PDZD2: variants seen among roughly 807,000 people sequenced by gnomAD.
The protein encoded by PDZD2 is PDZ domain containing 2.
In PDZD2, 90 loss-of-function variants were observed where a neutral mutation model predicts 220.7. The observed-to-expected ratio is 0.41, with a 90% CI of 0.34 to 0.49. The LOEUF (loss-of-function observed/expected upper bound fraction) is 0.49, where lower values mean the gene tolerates loss of function less well. Among genes scored for constraint, PDZD2 ranks in the 20% least tolerant of loss-of-function variants. The pLI, the probability that PDZD2 is intolerant of heterozygous loss-of-function variation, is 0.28. For synonymous variants in PDZD2, 1,375 were observed against 1,450.5 expected (o/e 0.95, Z 1.18); for missense variants, 3,174 against 3,608.5 (o/e 0.88, Z 3.08).
At chr5:31,751,181 C>T (rs926241148) in intron 1 of PDZD2, among the ~76,000 whole-genome samples, 8 of 149,548 alleles carry the variant, frequency 5.3e-5, no homozygotes, top group African/African-American at 1.5e-4. Context: ...GCGGAGATTG[C>T]AGTGAGCCAA....
At chr5:31,652,462 T>A (rs553055864) in intron 1 of PDZD2, among the ~76,000 whole-genome samples, 1 of 152,344 alleles carries the variant, frequency 6.6e-6, no homozygotes, top group East Asian at 1.9e-4. Flanking sequence ...GAGGTAGTAT[T>A]ATCTTCTCAA....
intron 1 of PDZD2, among the ~76,000 whole-genome samples, chr5:31,722,461 G>A (rs1409441320): frequency 6.6e-6 from 1 of 150,484 alleles, no homozygotes; most frequent in East Asian, 2.0e-4. Flanking sequence ...CCTTCATTTT[G>A]TTTTTATTAC....
chr5:31,853,034 A>G (rs1758150964), intron 2 of PDZD2, among the ~76,000 whole-genome samples: 1 of 152,248 alleles, frequency 6.6e-6, no homozygotes, highest in African/African-American at 2.4e-5. Flanking sequence ...AGCACTTCTC[A>G]AATTATTATT....
chr5:31,928,677 T>C (rs1745002253), intron 2 of PDZD2, among the ~76,000 whole-genome samples: 2 of 152,130 alleles, frequency 1.3e-5, no homozygotes, highest in South Asian at 2.1e-4. Context: ...GGTTTCACCA[T>C]GTTGGCCAAG....
intron 2 of PDZD2, among the ~76,000 whole-genome samples, chr5:31,958,158 G>A (rs994023952): frequency 6.6e-6 from 1 of 152,150 alleles, no homozygotes; most frequent in African/African-American, 2.4e-5. Context: ...TTACATTTTA[G>A]TAGCTCATCT....
At chr5:32,067,345 GAAAGTCTAGTATTAAGAAAAACAGC>G (rs534199087) in intron 14 of PDZD2, among the ~76,000 whole-genome samples, 346 of 152,258 alleles carry the variant, frequency 2.3e-3, no homozygotes, top group South Asian at 0.011. Flanking sequence ...TGCAAATGTT[GAAAGTCTAGTATTAAGAAAAACAGC>G]AACCACTCTT....
intron 2 of PDZD2, among the ~76,000 whole-genome samples, chr5:31,813,370 A>T (rs1224822225): frequency 6.7e-6 from 1 of 148,846 alleles, no homozygotes; most frequent in African/African-American, 2.5e-5. Context: ...GAATGGCGTG[A>T]ACCCGGGAGG....
intron 2 of PDZD2, among the ~76,000 whole-genome samples, chr5:31,827,254 G>T (rs1272899854): frequency 6.6e-6 from 1 of 152,130 alleles, no homozygotes; most frequent in Non-Finnish European, 1.5e-5. Flanking sequence ...GCATATTGGG[G>T]AAATACTCTT....
At chr5:31,926,247 G>A (rs115630355) in intron 2 of PDZD2, among the ~76,000 whole-genome samples, 249 of 150,954 alleles carry the variant, frequency 1.6e-3, no homozygotes, top group African/African-American at 5.5e-3. Context: ...TTAAAAGCCA[G>A]GCCAGGCATG....
chr5:31,769,723 TGGCAGGGTTCCAGGCCGA>T (rs2150196393), intron 1 of PDZD2, among the ~76,000 whole-genome samples: 1 of 152,228 alleles, frequency 6.6e-6, no homozygotes, highest in African/African-American at 2.4e-5. Flanking sequence ...TTTTGGAGGG[TGGCAGGGTTCCAGGCCGA>T]GGCCACAGAG....
intron 1 of PDZD2, among the ~76,000 whole-genome samples, chr5:31,721,373 AG>A (rs1184535213): frequency 1.3e-5 from 2 of 152,150 alleles, no homozygotes; most frequent in East Asian, 3.9e-4. Context: ...CTGTCCACAT[AG>A]TTGGCTTTGC....
intron 6 of PDZD2, among the ~76,000 whole-genome samples, chr5:32,026,788 C>T (rs1754701064): frequency 6.6e-6 from 1 of 152,170 alleles, no homozygotes; most frequent in African/African-American, 2.4e-5. Flanking sequence ...GTTCCACTTC[C>T]CAGAGGATGC....
chr5:32,024,566 C>G (rs184017726), intron 6 of PDZD2, among the ~76,000 whole-genome samples: 64 of 152,018 alleles, frequency 4.2e-4, no homozygotes, highest in African/African-American at 1.3e-3. Flanking sequence ...TCCTGTTATC[C>G]CAGCTATTCA....
intron 1 of PDZD2, among the ~76,000 whole-genome samples, chr5:31,782,356 T>C (rs886680935): frequency 2.0e-5 from 3 of 152,188 alleles, no homozygotes; most frequent in Admixed American, 6.5e-5. Context: ...TTTTCAGAAA[T>C]TCATTTTTAA....
chr5:31,897,155 G>C (rs1469233937), intron 2 of PDZD2, among the ~76,000 whole-genome samples: 1 of 151,690 alleles, frequency 6.6e-6, no homozygotes, highest in Non-Finnish European at 1.5e-5. Flanking sequence ...TCCTGCTGCA[G>C]AAACATATTT....
intron 2 of PDZD2, among the ~76,000 whole-genome samples, chr5:31,831,911 CA>C (rs56394577): frequency 0.039 from 2,503 of 63,604 alleles, 6 homozygotes; most frequent in South Asian, 0.067. Context: ...GAGACTGTTT[CA>C]AAAAAAAAAA....
At chr5:31,782,210 A>G (rs1753099608) in intron 1 of PDZD2, among the ~76,000 whole-genome samples, 1 of 152,166 alleles carries the variant, frequency 6.6e-6, no homozygotes, top group African/African-American at 2.4e-5. Flanking sequence ...AAAATACCAG[A>G]CAGTTTAATT....
chr5:31,789,644 C>G (rs2150218526), intron 1 of PDZD2, among the ~76,000 whole-genome samples: 1 of 152,338 alleles, frequency 6.6e-6, no homozygotes, highest in African/African-American at 2.4e-5. Flanking sequence ...ATAAAAACTT[C>G]CGGGCTGGGC....
At chr5:31,821,794 G>T (rs916921606) in intron 2 of PDZD2, among the ~76,000 whole-genome samples, 2 of 152,086 alleles carry the variant, frequency 1.3e-5, no homozygotes, top group African/African-American at 4.8e-5. Flanking sequence ...CCGTCATCTA[G>T]GTTTTAAGCC....
Sources: allele counts gnomAD v4.1 joint callset (sites outside exome capture counted in the v4.1 genomes callset), GRCh38; gene constraint gnomAD v4.1.1; transcripts MANE v1.5; gene names NCBI Gene and HGNC (gene_info 2026-07-23, HGNC 2026-07-21).